The following GPRC5A variants were observed in gnomAD, a reference collection of about 807,000 sequenced individuals.
The protein encoded by GPRC5A is retinoic acid-induced protein 3.
GPRC5A carries 19 observed loss-of-function variants against 22.5 expected under a neutral mutation model. The ratio of observed to expected loss-of-function variants is 0.85; its 90% CI spans 0.59 to 1.24. The LOEUF is 1.24. Ranked by LOEUF, GPRC5A falls within the 50% of genes most tolerant of loss-of-function variation. The probability of loss-of-function intolerance (pLI) is 0.00; values close to 1 mark genes in which losing one functional copy is unlikely to be tolerated. For missense variants in GPRC5A, 471 were observed against 451.1 expected (o/e 1.04, Z -0.40); for synonymous variants, 192 against 184.5 (o/e 1.04, Z -0.33).
At position 12,917,535 on chromosome 12, in the gene GPRC5A, A is replaced by C. The variant is rs149749955; in HGVS notation, c.*4996A>C. ...GAGAAGTCTTTGAGTAGAGAATCCT[A>C]CTCAAATTTCACTGTATATTTTAAG... is the stretch of plus-strand genomic sequence containing the variant. On this transcript the variant is annotated 3_prime_UTR_variant, in exon 4 of 4. Coordinates refer to ENST00000014914, the MANE Select transcript of GPRC5A (RefSeq NM_003979.4). 2.0e-5 allele frequency: 3 copies of C among 151,414 alleles called. No homozygotes were observed. In the East Asian group the frequency reaches 5.8e-4, roughly 29 times the overall value. 9.4% of individuals were successfully genotyped at this position (151,414 alleles called of 1,614,324 possible).
rs959938514 is a variant in GPRC5A at position 12,915,844 on chromosome 12, G to C, written c.*3305G>C. The C allele has an allele frequency of 1.9e-6, 1 of 523,466 alleles. No homozygotes were observed. Among genetic ancestry groups the C allele is most frequent in the South Asian group, 1.4e-5 (1 of 70,496 alleles). 32.4% of individuals were successfully genotyped at this position (523,466 alleles called of 1,614,324 possible). A position where few individuals can be genotyped will look rare whatever the true frequency, so the allele number is the denominator to read the frequency against. ...TTGTTTCCCTTCTAAGAAACGCAGT[G>C]GTCTCTGAAGCCTGCAGGGGCAGGC... is the stretch of plus-strand genomic sequence containing the variant. On this transcript the variant is annotated 3_prime_UTR_variant, in exon 4 of 4. Transcript: ENST00000014914.
At chr12:12,905,705 G>T (rs377388246) in intron 1 of GPRC5A, among the ~76,000 whole-genome samples, 4 of 152,100 alleles carry the variant, frequency 2.6e-5, no homozygotes, top group African/African-American at 9.7e-5. Context: ...TCCCACTTGT[G>T]CCCTGAATCC....
chr12:12,905,768 C>T (rs936319264), intron 1 of GPRC5A, among the ~76,000 whole-genome samples: 6 of 152,138 alleles, frequency 3.9e-5, no homozygotes, highest in African/African-American at 1.2e-4. Context: ...CTAAAATTCA[C>T]ACGAAGATTG....
Position 12,912,511 on chromosome 12 carries a change from ACTATGAAG to A in GPRC5A, c.1047_1054del (p.Tyr350LysfsTer10), listed in dbSNP as rs1428505111. On this transcript the variant is annotated frameshift_variant, in exon 4 of 4. Coordinates refer to ENST00000014914, the MANE Select transcript of GPRC5A (RefSeq NM_003979.4). LOFTEE classifies it high-confidence loss of function. ...CACGCTTGGCCGAGCCCTTACAAAG[ACTATGAAG>A]TAAAGAAAGAGGGCAGCTAACTCTG... The A allele has an allele frequency of 6.2e-7, 1 of 1,609,458 alleles. No individual in the cohort carries two copies. The highest frequency in any genetic ancestry group is 1.7e-5 in the Admixed American group (1 of 59,992).
intron 1 of GPRC5A, among the ~76,000 whole-genome samples, chr12:12,903,202 A>G (rs575212303): frequency 6.6e-6 from 1 of 150,664 alleles, no homozygotes; most frequent in East Asian, 1.9e-4. Context: ...CCATATAGTA[A>G]TAATTTTTTG....
chr12:12,909,860 AGGCTGAGGT>A (rs1050448350), intron 2 of GPRC5A: 13 of 140,650 alleles, frequency 9.2e-5, no homozygotes, highest in African/African-American at 3.4e-4. Context: ...GCCCTCTGGG[AGGCTGAGGT>A]GGGAGGATTG....
chr12:12,909,190 T>C lies in GPRC5A; in HGVS notation c.922+19T>C, dbSNP rs781113465. 1 of 1,507,882 alleles carries C rather than the reference T, an allele frequency of 6.6e-7. No homozygotes were observed. Among genetic ancestry groups the C allele is most frequent in the Non-Finnish European group, 9.0e-7 (1 of 1,115,878 alleles). 93.4% of individuals were successfully genotyped at this position (1,507,882 alleles called of 1,614,324 possible). On this transcript the variant is annotated intron_variant, in intron 2 of 3. Coordinates refer to ENST00000014914, the MANE Select transcript of GPRC5A (RefSeq NM_003979.4). ...ACTCAAGGTACAGATGCAGCCTGGC[T>C]AGGCAGAGAATCCCTTGTAGAAAGG...
At chr12:12,897,965 A>G (rs566864007) in intron 1 of GPRC5A, among the ~76,000 whole-genome samples, 31 of 152,176 alleles carry the variant, frequency 2.0e-4, no homozygotes, top group Admixed American at 1.2e-3. Flanking sequence ...ATGGTGCTCC[A>G]CATGGTTCTG....
At chr12:12,910,778 T>C (rs1030248600) in intron 2 of GPRC5A, among the ~76,000 whole-genome samples, 2 of 152,144 alleles carry the variant, frequency 1.3e-5, no homozygotes, top group Non-Finnish European at 2.9e-5. Flanking sequence ...CATTGCACTG[T>C]TATTTATGTA....
At chr12:12,897,903 C>T (rs1863840306) in intron 1 of GPRC5A, among the ~76,000 whole-genome samples, 2 of 152,092 alleles carry the variant, frequency 1.3e-5, no homozygotes, top group African/African-American at 4.8e-5. Flanking sequence ...AGCCACTGCG[C>T]CCGGCCGATA....
intron 1 of GPRC5A, 99 bp from the exon 2 acceptor site, chr12:12,908,144 G>A: frequency 1.3e-6 from 1 of 788,834 alleles, no homozygotes; most frequent in Non-Finnish European, 2.0e-6. Context: ...GGCTAAACAT[G>A]CAAAATTGGT....
In GPRC5A at chr12:12,897,633, A is replaced by G. The variant is rs373912690; in HGVS notation, c.-8+5969A>G. Reference sequence around the variant, plus strand: ...TCTTTTTTTTTTTTTTTTTGAGACCATGTCTCACTCTGTTGCCTAGGCTGG... The same window carrying G: ...TCTTTTTTTTTTTTTTTTTGAGACCGTGTCTCACTCTGTTGCCTAGGCTGG... On this transcript the variant is annotated intron_variant, in intron 1 of 3. Coordinates refer to ENST00000014914, the MANE Select transcript of GPRC5A (RefSeq NM_003979.4). 8.4e-5 allele frequency among the ~76,000 whole-genome samples: 12 copies of G among 142,452 alleles called. 1 individual carries two copies. In the South Asian group the frequency reaches 2.1e-3, roughly 24 times the overall value. The allele number at this position is 142,452 out of a possible 152,430, so 93.5% of individuals were successfully genotyped here.
In GPRC5A at chr12:12,906,776, C is replaced by T. The variant is rs754595437; in HGVS notation, c.-7-1467C>T. On this transcript the variant is annotated intron_variant, in intron 1 of 3. Coordinates refer to ENST00000014914, the MANE Select transcript of GPRC5A (RefSeq NM_003979.4). Reference sequence around the variant, plus strand: ...TCTTTACACATCTTAAGGAGGAGGCCGGGCACGGTGGCTCACACCTGTAAT... The same window carrying T: ...TCTTTACACATCTTAAGGAGGAGGCTGGGCACGGTGGCTCACACCTGTAAT... 4.2e-4 allele frequency among the ~76,000 whole-genome samples: 63 copies of T among 151,300 alleles called. 1 individual carries two copies. The highest frequency in any genetic ancestry group is 2.4e-3 in the Admixed American group (36 of 15,192).
Position 12,895,013 on chromosome 12 carries a change from C to G in GPRC5A, c.-8+3349C>G, listed in dbSNP as rs926121934. 4.0e-5 allele frequency among the ~76,000 whole-genome samples: 6 copies of G among 151,542 alleles called. 1 individual carries two copies. The highest frequency in any genetic ancestry group is 4.2e-4 in the South Asian group (2 of 4,806). On this transcript the variant is annotated intron_variant, in intron 1 of 3. Transcript: ENST00000014914. ...CAGGATGGTCTTGATCTCCTGACCT[C>G]GTGATCTGCCCGCCTCAGCCTCCCA...
At chr12:12,909,464 C>T (rs558878441) in intron 2 of GPRC5A, 1 of 303,594 alleles carries the variant, frequency 3.3e-6, no homozygotes, top group South Asian at 1.1e-4. Context: ...GGCAGAACAC[C>T]TCAGAGGTTT....
intron 1 of GPRC5A, among the ~76,000 whole-genome samples, chr12:12,897,085 G>A (rs1863828295): frequency 6.6e-6 from 1 of 151,974 alleles, no homozygotes; most frequent in Non-Finnish European, 1.5e-5. Flanking sequence ...TAATTAGCTG[G>A]ATGTGGTGGC....
At chr12:12,907,700 T>C (rs1048519837) in intron 1 of GPRC5A, among the ~76,000 whole-genome samples, 1 of 152,172 alleles carries the variant, frequency 6.6e-6, no homozygotes, top group East Asian at 1.9e-4. Flanking sequence ...GACGTGATCA[T>C]AGCTCACTGC....
chr12:12,896,265 A>G (rs1187815361), intron 1 of GPRC5A, among the ~76,000 whole-genome samples: 1 of 152,170 alleles, frequency 6.6e-6, no homozygotes, highest in African/African-American at 2.4e-5. Flanking sequence ...CACCGTGGTT[A>G]TACTTGTTTT....
At position 12,917,625 on chromosome 12, in the gene GPRC5A, TCTC is replaced by T. The variant is rs1481211298; in HGVS notation, c.*5090_*5092del. The T allele has an allele frequency of 2.0e-5, 3 of 152,280 alleles. No individual in the cohort carries two copies. The highest frequency in any genetic ancestry group is 2.1e-4 in the South Asian group (1 of 4,832). 9.4% of individuals were successfully genotyped at this position (152,280 alleles called of 1,614,324 possible). The stretch of plus-strand genomic sequence containing the variant: ...CTTCCCCTGATTTCTCCTCTGGTCA[TCTC>T]CTCTCCCTTCTGCGTGTAAGCCATG... On this transcript the variant is annotated 3_prime_UTR_variant, in exon 4 of 4. Coordinates refer to ENST00000014914, the MANE Select transcript of GPRC5A (RefSeq NM_003979.4).
Sources: gnomAD v4.1 joint callset for allele counts (sites outside exome capture counted in the v4.1 genomes callset) on GRCh38, gnomAD v4.1.1 for gene constraint, MANE v1.5 for transcripts, NCBI Gene and HGNC (gene_info 2026-07-23, HGNC 2026-07-21) for gene names.